The following ARID5B variants were observed in gnomAD, a reference collection of about 807,000 sequenced individuals.
The protein encoded by ARID5B is AT-rich interaction domain 5B, also known as AT-rich interactive domain-containing protein 5B.
In ARID5B, 13 loss-of-function variants were observed where a neutral mutation model predicts 97.2. That is an observed-to-expected ratio of 0.13 (90% CI 0.09 to 0.21). ARID5B has a LOEUF of 0.21. ARID5B is among the 10% of genes least tolerant of loss of function. The probability of loss-of-function intolerance (pLI) is 1.00; values close to 1 mark genes in which losing one functional copy is unlikely to be tolerated. For synonymous variants in ARID5B, 556 were observed against 570.3 expected (o/e 0.97, Z 0.36); for missense variants, 1,210 against 1,465.3 (o/e 0.83, Z 2.84).
rs1018441891 is a variant in ARID5B, at chr10:61,980,833, T to C, written c.503-19258T>C. Among the ~76,000 whole-genome samples, 14 of 152,170 alleles carry C rather than the reference T, an allele frequency of 9.2e-5. 1 individual carries two copies. Among genetic ancestry groups the C allele is most frequent in the Non-Finnish European group, 1.9e-4 (13 of 68,028 alleles). On this transcript the variant is annotated intron_variant, in intron 3 of 9. Transcript: ENST00000279873. Reference sequence around the variant, plus strand: ...AACAGGAATGGAGAGGAACATGGCTTCCCAGGACAGTGACTACTGTCCTGT... The same window carrying C: ...AACAGGAATGGAGAGGAACATGGCTCCCCAGGACAGTGACTACTGTCCTGT...
Position 62,091,758 on chromosome 10 carries a change from G to A in ARID5B, c.2295G>A (p.Glu765=), listed in dbSNP as rs1318622103. The change falls in exon 10 of 10, where the codon GAG becomes GAA. Residue 765 remains glutamate, a synonymous_variant. Transcript: ENST00000279873. The part of the protein sequence containing the change: ...VQSFRSKPSE[E]RKTINDIFKH... Reference sequence around the variant, plus strand: ...GTTTCAGAAGCAAGCCCTCGGAAGAGAGAAAGACCATCAATGACATCTTTA... The same window carrying A: ...GTTTCAGAAGCAAGCCCTCGGAAGAAAGAAAGACCATCAATGACATCTTTA... 6.2e-7 allele frequency: 1 copy of A among 1,614,174 alleles called. No homozygotes were observed. The highest frequency in any genetic ancestry group is 1.1e-5 in the South Asian group (1 of 91,082).
intron 2 of ARID5B, among the ~76,000 whole-genome samples, chr10:61,927,811 A>C (rs931415045): frequency 4.6e-5 from 7 of 152,248 alleles, no homozygotes; most frequent in Non-Finnish European, 8.8e-5. Context: ...AGAGAAAATA[A>C]AGGATATTAT....
intron 2 of ARID5B, among the ~76,000 whole-genome samples, chr10:61,934,403 C>G (rs1844262771): frequency 6.6e-6 from 1 of 152,184 alleles, no homozygotes; most frequent in Admixed American, 6.5e-5. Flanking sequence ...TTAACTGGCG[C>G]AAGAGGCCTA....
At chr10:61,966,490 A>G (rs149909040) in intron 3 of ARID5B, among the ~76,000 whole-genome samples, 26 of 152,248 alleles carry the variant, frequency 1.7e-4, no homozygotes, top group African/African-American at 5.3e-4. Context: ...TCGTTCTCTC[A>G]GTGATATTGA....
At chr10:61,929,823 T>G (rs1477416395) in intron 2 of ARID5B, among the ~76,000 whole-genome samples, 1 of 152,224 alleles carries the variant, frequency 6.6e-6, no homozygotes, top group Non-Finnish European at 1.5e-5. Context: ...ACGCCTTTAT[T>G]CTCCACCCAG....
chr10:62,077,568 G>C (rs759937414), intron 8 of ARID5B, among the ~76,000 whole-genome samples: 1 of 151,706 alleles, frequency 6.6e-6, no homozygotes, highest in African/African-American at 2.4e-5. Flanking sequence ...TTTCTTTGTC[G>C]AGCTCCTTTA....
rs1186442241 is a variant in ARID5B, at chr10:62,094,720, C to T, written c.*1690C>T. ...ATGGATACAGAGAGTGGATTTTCTC[C>T]CCAAGTCCCATCCCTGCTGAAGACC... On this transcript the variant is annotated 3_prime_UTR_variant, in exon 10 of 10. Transcript: ENST00000279873. The T allele has an allele frequency of 4.3e-6, 1 of 231,470 alleles. No homozygotes were observed. The highest frequency in any genetic ancestry group is 8.5e-6 in the Non-Finnish European group (1 of 117,028). The allele number at this position is 231,470 out of a possible 1,614,324, so 14.3% of individuals were successfully genotyped here.
intron 4 of ARID5B, among the ~76,000 whole-genome samples, chr10:62,020,751 G>T (rs1213356116): frequency 1.3e-5 from 2 of 152,024 alleles, no homozygotes; most frequent in Non-Finnish European, 2.9e-5. Flanking sequence ...CGCCAGAGAA[G>T]AGAATTAAGC....
intron 5 of ARID5B, among the ~76,000 whole-genome samples, chr10:62,055,205 T>A (rs571245425): frequency 6.6e-6 from 1 of 152,328 alleles, no homozygotes; most frequent in African/African-American, 2.4e-5. Flanking sequence ...CAATTTAATA[T>A]TTGTATTAAG....
intron 2 of ARID5B, among the ~76,000 whole-genome samples, chr10:61,938,064 T>C (rs577563486): frequency 6.7e-6 from 1 of 148,896 alleles, no homozygotes; most frequent in Non-Finnish European, 1.5e-5. Flanking sequence ...TTTGTTTTTA[T>C]GTGTGTGTGT....
chr10:61,916,841 G>A (rs1843915030), intron 2 of ARID5B, among the ~76,000 whole-genome samples: 1 of 152,122 alleles, frequency 6.6e-6, no homozygotes, highest in Non-Finnish European at 1.5e-5. Context: ...TCCTCCTTGA[G>A]GTCTTCCATT....
intron 8 of ARID5B, among the ~76,000 whole-genome samples, chr10:62,075,870 T>C (rs553627280): frequency 1.3e-5 from 2 of 152,328 alleles, no homozygotes; most frequent in East Asian, 3.9e-4. Flanking sequence ...TGCATTTTCT[T>C]GGATAGGATA....
At chr10:62,039,234 G>C (rs1267574305) in intron 4 of ARID5B, among the ~76,000 whole-genome samples, 1 of 152,152 alleles carries the variant, frequency 6.6e-6, no homozygotes, top group Non-Finnish European at 1.5e-5. Context: ...TTGCTTCGTG[G>C]TACATAGGTT....
At chr10:61,913,138 G>T (rs1352028554) in intron 2 of ARID5B, among the ~76,000 whole-genome samples, 1 of 152,180 alleles carries the variant, frequency 6.6e-6, no homozygotes, top group Admixed American at 6.5e-5. Context: ...AAGGCAAAAG[G>T]CAGACCAGTG....
chr10:61,906,712 A>T (rs572058423), intron 2 of ARID5B, among the ~76,000 whole-genome samples: 2 of 152,236 alleles, frequency 1.3e-5, no homozygotes, highest in East Asian at 3.9e-4. Context: ...AATGCTAAAA[A>T]TCCATGTTCT....
At chr10:62,078,334 A>C (rs983096036) in intron 8 of ARID5B, among the ~76,000 whole-genome samples, 2 of 152,080 alleles carry the variant, frequency 1.3e-5, no homozygotes, top group African/African-American at 4.8e-5. Flanking sequence ...ACTAAAAATA[A>C]AAAAAATAGC....
chr10:62,049,327 T>C, intron 4 of ARID5B: 4 of 1,507,570 alleles, frequency 2.7e-6, no homozygotes, highest in Non-Finnish European at 3.6e-6. Flanking sequence ...GGGAGGGGAG[T>C]TGTAAGCAGA....
rs749481059 is a variant in ARID5B, at chr10:62,060,855, G to C, written c.1101+1560G>C. On this transcript the variant is annotated intron_variant, in intron 7 of 9. Transcript: ENST00000279873. ...TTTTTGTTATTCACTGATAGGGAGA[G>C]TGCCAACAATTTCACAGAATCAGTT... Among the ~76,000 whole-genome samples, 122 of 152,306 alleles carry C rather than the reference G, an allele frequency of 8.0e-4. 3 individuals carry two copies. Among genetic ancestry groups the C allele is most frequent in the Non-Finnish European group, 2.6e-4 (18 of 68,034 alleles).
At chr10:62,087,320 G>GAAAAAAAAAAAAAAAAAAAAAAA in intron 9 of ARID5B, among the ~76,000 whole-genome samples, 1 of 76,018 alleles carries the variant, frequency 1.3e-5, no homozygotes, top group Admixed American at 1.4e-4. Context: ...AAAAAAAAAG[G>GAAAAAAAAAAAAAAAAAAAAAAA]AAAAAAGATC....
Sources: gnomAD v4.1 joint callset for allele counts (sites outside exome capture counted in the v4.1 genomes callset) on GRCh38, gnomAD v4.1.1 for gene constraint, MANE v1.5 for transcripts, NCBI Gene and HGNC (gene_info 2026-07-23, HGNC 2026-07-21) for gene names.